VPS4B: variants seen among roughly 807,000 people sequenced by gnomAD.
VPS4B encodes vacuolar protein sorting-associated protein 4B.
A neutral mutation model predicts 56.1 loss-of-function variants in VPS4B; 23 were observed. The observed-to-expected ratio is 0.41, with a 90% CI of 0.30 to 0.58. The LOEUF (loss-of-function observed/expected upper bound fraction) is 0.58. VPS4B is among the 20% of genes least tolerant of loss of function. The pLI is 0.29. For synonymous variants in VPS4B, 177 were observed against 186.0 expected, an observed-to-expected ratio of 0.95 and a Z score of 0.39; for missense variants, 372 against 531.9, an observed-to-expected ratio of 0.70 and a Z score of 2.96.
chr18:63,396,044 C>G (rs1312245598), intron 9 of VPS4B, among the ~76,000 whole-genome samples: 2 of 152,154 alleles, frequency 1.3e-5, no homozygotes, highest in African/African-American at 4.8e-5. Flanking sequence ...AACACAGTGC[C>G]AGGCATGTGA....
At chr18:63,402,171 T>A (rs759533584) in intron 5 of VPS4B, among the ~76,000 whole-genome samples, 10 of 152,254 alleles carry the variant, frequency 6.6e-5, no homozygotes, top group Non-Finnish European at 1.2e-4. Flanking sequence ...CATTTACAAG[T>A]CAGTGTCTGA....
chr18:63,392,808 T>TA (rs1462389901), intron 10 of VPS4B, among the ~76,000 whole-genome samples: 1 of 150,678 alleles, frequency 6.6e-6, no homozygotes, highest in Non-Finnish European at 1.5e-5. Context: ...TGGGGTGCGG[T>TA]TGTGCAATCT....
At chr18:63,396,905 G>C (rs1274791504) in intron 9 of VPS4B, 129 bp downstream of exon 9, 8 of 803,332 alleles carry the variant, frequency 1.0e-5, no homozygotes, top group African/African-American at 7.0e-5. Context: ...CATGAGAATT[G>C]CTTGAACCCG....
chr18:63,402,354 T>C (rs1599359592), intron 5 of VPS4B, among the ~76,000 whole-genome samples: 1 of 152,146 alleles, frequency 6.6e-6, no homozygotes, highest in South Asian at 2.1e-4. Context: ...AAAGTTCAAA[T>C]ACAGGCAAAA....
intron 1 of VPS4B, chr18:63,415,534 A>G (rs1028873747): frequency 1.7e-5 from 5 of 291,200 alleles, no homozygotes; most frequent in African/African-American, 1.1e-4. Context: ...GTTCCTTTTC[A>G]GAGAATGGAT....
intron 1 of VPS4B, among the ~76,000 whole-genome samples, chr18:63,417,069 C>G (rs995147698): frequency 6.6e-6 from 1 of 152,110 alleles, no homozygotes; most frequent in Non-Finnish European, 1.5e-5. Context: ...CGGCATACAA[C>G]AGGTACTCGA....
chr18:63,408,580 G>C (rs925006878), intron 3 of VPS4B, among the ~76,000 whole-genome samples: 3 of 152,158 alleles, frequency 2.0e-5, no homozygotes, highest in African/African-American at 4.8e-5. Flanking sequence ...ATCTTCAGGC[G>C]AAGGCACTGG....
chr18:63,390,960 T>C lies in VPS4B; in HGVS notation c.*15A>G. On this transcript the variant is annotated 3_prime_UTR_variant, in exon 11 of 11. Coordinates refer to ENST00000238497, the MANE Select transcript of VPS4B (RefSeq NM_004869.4). Reference sequence around the variant, plus strand: ...AGAAAGAATACATATGGTAAGCATCTTCCTTGTCTTTGGCTTAGCCTTCTT... The same window carrying C: ...AGAAAGAATACATATGGTAAGCATCCTCCTTGTCTTTGGCTTAGCCTTCTT... 6.5e-7 allele frequency: 1 copy of C among 1,535,664 alleles called. No homozygotes were observed. The highest frequency in any genetic ancestry group is 2.3e-5 in the East Asian group (1 of 44,340).
chr18:63,407,573 A>C, intron 3 of VPS4B, 74 bp from the exon 4 acceptor site: 1 of 1,185,392 alleles, frequency 8.4e-7, no homozygotes, highest in Non-Finnish European at 1.2e-6. Context: ...AGGAAAAATT[A>C]ACCTGAAATA....
At chr18:63,405,222 C>T (rs1489333863) in intron 4 of VPS4B, among the ~76,000 whole-genome samples, 1 of 152,056 alleles carries the variant, frequency 6.6e-6, no homozygotes, top group Non-Finnish European at 1.5e-5. Context: ...ATGGAATGTA[C>T]TTCCAATGAT....
intron 10 of VPS4B, among the ~76,000 whole-genome samples, chr18:63,392,649 C>A (rs1279501352): frequency 6.6e-6 from 1 of 152,028 alleles, no homozygotes; most frequent in Admixed American, 6.6e-5. Flanking sequence ...GGGGTTTCAC[C>A]GTGTTGGCCA....
chr18:63,415,658 C>A, intron 1 of VPS4B: 1 of 246,146 alleles, frequency 4.1e-6, no homozygotes. Context: ...GTTGGTTGAG[C>A]AGTTCCAGCA....
At chr18:63,396,444 G>C (rs1915669834) in intron 9 of VPS4B, 1 of 152,400 alleles carries the variant, frequency 6.6e-6, no homozygotes, top group South Asian at 2.1e-4. Flanking sequence ...ACAGAGATGG[G>C]GTTTTGCCAT....
intron 10 of VPS4B, among the ~76,000 whole-genome samples, chr18:63,392,961 G>T (rs959521876): frequency 6.6e-6 from 1 of 151,800 alleles, no homozygotes; most frequent in African/African-American, 2.4e-5. Context: ...GGCCAGGCCA[G>T]TTTCAAACTC....
At chr18:63,403,034 T>C (rs1443847555) in intron 5 of VPS4B, among the ~76,000 whole-genome samples, 1 of 152,230 alleles carries the variant, frequency 6.6e-6, no homozygotes, top group Non-Finnish European at 1.5e-5. Flanking sequence ...AGCACAGACA[T>C]ATCACTTACT....
chr18:63,411,995 T>C (rs1395610699), intron 1 of VPS4B, among the ~76,000 whole-genome samples: 2 of 152,100 alleles, frequency 1.3e-5, no homozygotes, highest in African/African-American at 2.4e-5. Context: ...ATAACAATAG[T>C]GGAAATGTAA....
Position 63,394,220 on chromosome 18 carries a change from C to A in VPS4B, c.1093-671G>T, listed in dbSNP as rs1214103918. On this transcript the variant is annotated intron_variant, in intron 9 of 10. Coordinates refer to ENST00000238497, the MANE Select transcript of VPS4B (RefSeq NM_004869.4). ...CCAAAAACAGATATATTAAAAAATT[C>A]TCAGAAGTTGCTCTATAGCTGAGAA... 2.6e-5 allele frequency among the ~76,000 whole-genome samples: 4 copies of A among 152,204 alleles called. No individual in the cohort carries two copies. The East Asian group carries it at 5.8e-4, about 22-fold the overall frequency.
rs138878895 is a variant in VPS4B at position 63,389,516 on chromosome 18, G to T, written c.*1459C>A. ...GTTCATCCTAACTTAATAGTCTTTT[G>T]CATGTATAGACAATGCAATTCTACA... On this transcript the variant is annotated 3_prime_UTR_variant, in exon 11 of 11. Transcript: ENST00000238497. 1 of 152,630 alleles carries T rather than the reference G, an allele frequency of 6.6e-6. No individual in the cohort carries two copies. The highest frequency in any genetic ancestry group is 2.1e-4 in the South Asian group (1 of 4,832). The allele number at this position is 152,630 out of a possible 1,614,324, so 9.5% of individuals were successfully genotyped here.
intron 1 of VPS4B, among the ~76,000 whole-genome samples, chr18:63,417,905 C>A (rs1184450283): frequency 6.6e-6 from 1 of 152,114 alleles, no homozygotes; most frequent in African/African-American, 2.4e-5. Context: ...CAGACACATC[C>A]ACCTTAGAAA....
Sources: allele counts gnomAD v4.1 joint callset (sites outside exome capture counted in the v4.1 genomes callset), GRCh38; gene constraint gnomAD v4.1.1; transcripts MANE v1.5; gene names NCBI Gene and HGNC (gene_info 2026-07-23, HGNC 2026-07-21).